Variants in CSNK2A2IP observed in about 807,000 individuals in gnomAD.
CSNK2A2IP encodes casein kinase 2 subunit alpha' interacting protein.
the CSNK2A2IP span, among the ~76,000 whole-genome samples, chr3:88,384,587 T>C: frequency 1.3e-5 from 2 of 152,078 alleles, no homozygotes; most frequent in African/African-American, 4.8e-5. Flanking sequence ...GAGCCATTTT[T>C]CCCCAAAGAG....
the CSNK2A2IP span, among the ~76,000 whole-genome samples, chr3:88,385,862 A>G: frequency 0.038 from 5,727 of 152,288 alleles, 264 homozygotes; most frequent in African/African-American, 0.11. Flanking sequence ...TATCTTTTAT[A>G]GCTTCTACTT....
the CSNK2A2IP span, among the ~76,000 whole-genome samples, chr3:88,398,916 G>T: frequency 6.6e-6 from 1 of 152,138 alleles, no homozygotes; most frequent in East Asian, 1.9e-4. Flanking sequence ...GATATCTGAG[G>T]AAGAAACAAT....
chr3:88,399,556 G>C, the CSNK2A2IP span: 2 of 152,152 alleles, frequency 1.3e-5, no homozygotes, highest in Non-Finnish European at 2.9e-5. Flanking sequence ...CTTACTATAT[G>C]CTGGTAAGGT....
the CSNK2A2IP span, among the ~76,000 whole-genome samples, chr3:88,403,773 G>C: frequency 6.6e-6 from 1 of 152,178 alleles, no homozygotes; most frequent in East Asian, 1.9e-4. Flanking sequence ...AAGAACTGTA[G>C]GCAAATGATA....
the CSNK2A2IP span, among the ~76,000 whole-genome samples, chr3:88,446,171 G>A: frequency 0.043 from 6,384 of 148,676 alleles, 184 homozygotes; most frequent in Non-Finnish European, 0.066. Flanking sequence ...GCAATGGCAC[G>A]ATCTTGGCTC....
chr3:88,387,461 G>A, the CSNK2A2IP span, among the ~76,000 whole-genome samples: 3 of 152,176 alleles, frequency 2.0e-5, no homozygotes, highest in African/African-American at 7.2e-5. Context: ...GAGCTACTGT[G>A]CCCGGCCAAA....
the CSNK2A2IP span, among the ~76,000 whole-genome samples, chr3:88,422,767 C>A: frequency 6.6e-6 from 1 of 152,098 alleles, no homozygotes; most frequent in Non-Finnish European, 1.5e-5. Flanking sequence ...GTTTTACCTC[C>A]TCGTTTCCTT....
the CSNK2A2IP span, among the ~76,000 whole-genome samples, chr3:88,450,060 G>A: frequency 6.6e-6 from 1 of 151,036 alleles, no homozygotes; most frequent in Admixed American, 6.6e-5. Context: ...GTAGAGACAG[G>A]GTTTCATCAT....
the CSNK2A2IP span, among the ~76,000 whole-genome samples, chr3:88,405,911 A>G: frequency 6.6e-6 from 1 of 152,148 alleles, no homozygotes; most frequent in South Asian, 2.1e-4. Flanking sequence ...CAACTTTGCC[A>G]TGTACTAGCC....
At chr3:88,400,551 G>T in the CSNK2A2IP span, among the ~76,000 whole-genome samples, 2 of 152,278 alleles carry the variant, frequency 1.3e-5, no homozygotes, top group South Asian at 4.1e-4. Context: ...TAATCTAATT[G>T]TATAGGTCTT....
chr3:88,434,656 C>A, the CSNK2A2IP span, among the ~76,000 whole-genome samples: 1 of 152,106 alleles, frequency 6.6e-6, no homozygotes, highest in Non-Finnish European at 1.5e-5. Flanking sequence ...AGTTGTAATG[C>A]AAAGCAGGTT....
chr3:88,432,891 T>C, the CSNK2A2IP span, among the ~76,000 whole-genome samples: 1 of 151,740 alleles, frequency 6.6e-6, no homozygotes, highest in South Asian at 2.1e-4. Context: ...AAAACTTTAA[T>C]ACTATTAAGA....
chr3:88,338,679 A>C, the CSNK2A2IP span: 1 of 152,060 alleles, frequency 6.6e-6, no homozygotes, highest in Non-Finnish European at 1.5e-5. Context: ...TCTGTACAAG[A>C]GTGTGCTAAA....
chr3:88,341,021 A>G, the CSNK2A2IP span, among the ~76,000 whole-genome samples: 1 of 151,964 alleles, frequency 6.6e-6, no homozygotes, highest in Non-Finnish European at 1.5e-5. Flanking sequence ...ATGCATCCAA[A>G]TTATGGTTCA....
At chr3:88,460,060 T>C in the CSNK2A2IP span, among the ~76,000 whole-genome samples, 14 of 152,172 alleles carry the variant, frequency 9.2e-5, no homozygotes, top group African/African-American at 3.4e-4. Flanking sequence ...TTTTTCTATA[T>C]TTATGGTACT....
At chr3:88,346,632 G>A in the CSNK2A2IP span, among the ~76,000 whole-genome samples, 4 of 151,932 alleles carry the variant, frequency 2.6e-5, no homozygotes, top group Non-Finnish European at 5.9e-5. Context: ...ATATTTTAAT[G>A]CCAATGTTGA....
chr3:88,414,175 G>A, the CSNK2A2IP span, among the ~76,000 whole-genome samples: 1 of 140,574 alleles, frequency 7.1e-6, no homozygotes, highest in Non-Finnish European at 1.5e-5. Flanking sequence ...TTGTAAATTT[G>A]TAACAAGTAA....
chr3:88,380,188 TA>T, the CSNK2A2IP span, among the ~76,000 whole-genome samples: 1 of 151,924 alleles, frequency 6.6e-6, no homozygotes, highest in African/African-American at 2.4e-5. Context: ...ATTATAAGGC[TA>T]AAAAACTATT....
chr3:88,382,347 A>G, the CSNK2A2IP span, among the ~76,000 whole-genome samples: 1 of 152,200 alleles, frequency 6.6e-6, no homozygotes. Flanking sequence ...CAGTCAGAAG[A>G]GTGACACTGC....
Sources: gnomAD v4.1 joint callset for allele counts (sites outside exome capture counted in the v4.1 genomes callset) on GRCh38, gnomAD v4.1.1 for gene constraint, MANE v1.5 for transcripts, NCBI Gene and HGNC (gene_info 2026-07-23, HGNC 2026-07-21) for gene names.